The following ASPSCR1 variants were observed in gnomAD, a reference collection of about 807,000 sequenced individuals.
ASPSCR1 encodes the protein ASPSCR1 tether for SLC2A4, UBX domain containing.
In ASPSCR1, 55 loss-of-function variants were observed where a neutral mutation model predicts 68.9. That is an observed-to-expected ratio of 0.80 (90% CI 0.64 to 1.00). The LOEUF is 1.00. Ranked by LOEUF, ASPSCR1 falls within the 50% of genes least tolerant of loss-of-function variation. ASPSCR1 has a pLI of 0.00. For synonymous variants in ASPSCR1, 352 were observed against 332.6 expected (o/e 1.06, Z -0.63); for missense variants, 765 against 762.2 (o/e 1.00, Z -0.04).
chr17:82,011,284 C>T (rs578023225), intron 10 of ASPSCR1, among the ~76,000 whole-genome samples: 36 of 113,908 alleles, frequency 3.2e-4, no homozygotes, highest in African/African-American at 1.1e-3. Flanking sequence ...GAAAGGGAAG[C>T]GCTTAGGCTG....
At chr17:82,008,610 A>G (rs1044027413) in intron 7 of ASPSCR1, 1 of 164,216 alleles carries the variant, frequency 6.1e-6, no homozygotes, top group African/African-American at 2.4e-5. Flanking sequence ...GCGTGCATGG[A>G]TTCAGCCTGG....
intron 4 of ASPSCR1, 53 bp from the exon 5 acceptor site, chr17:81,994,768 G>A (rs1966649526): frequency 1.3e-6 from 2 of 1,571,192 alleles, no homozygotes; most frequent in Non-Finnish European, 8.7e-7. Context: ...GGCCTCCGTG[G>A]CACTGGTTGA....
chr17:81,987,626 A>G lies in ASPSCR1; in HGVS notation c.374+2019A>G, dbSNP rs1175686916. ...GGGTGTCTGGAGAGGTGGGGCCGGC[A>G]TTGTGGTAGCATAAGCCTCTTCAAC... On this transcript the variant is annotated intron_variant, in intron 4 of 15. Coordinates refer to ENST00000306739, the MANE Select transcript of ASPSCR1 (RefSeq NM_024083.4). The surrounding 1 kb of genome is among the most constrained non-coding windows in gnomAD (Gnocchi z 5.6). 1.3e-5 allele frequency among the ~76,000 whole-genome samples: 2 copies of G among 152,112 alleles called. No homozygotes were observed. Among genetic ancestry groups the G allele is most frequent in the Non-Finnish European group, 2.9e-5 (2 of 68,014 alleles).
chr17:81,979,595 T>G (rs2041728389), intron 2 of ASPSCR1, among the ~76,000 whole-genome samples: 1 of 152,228 alleles, frequency 6.6e-6, no homozygotes, highest in Non-Finnish European at 1.5e-5. Flanking sequence ...TCATTACATC[T>G]TCAAAGACCA....
At chr17:82,017,189 T>C (rs2043168753) in intron 15 of ASPSCR1, 76 bp downstream of exon 15, 4 of 1,574,458 alleles carry the variant, frequency 2.5e-6, no homozygotes, top group Non-Finnish European at 3.4e-6. Flanking sequence ...GCAGGGTCAG[T>C]GGGCTGGGGG....
intron 4 of ASPSCR1, among the ~76,000 whole-genome samples, chr17:81,989,591 G>A (rs2042097002): frequency 6.6e-6 from 1 of 152,214 alleles, no homozygotes; most frequent in Admixed American, 6.5e-5. Context: ...GGGGCTGCAG[G>A]CCTGTAGCGT....
At chr17:82,016,440 C>T (rs1019532721) in intron 12 of ASPSCR1, 36 bp from the exon 13 acceptor site, 5 of 1,534,712 alleles carry the variant, frequency 3.3e-6, no homozygotes, top group Admixed American at 3.9e-5. Context: ...GTGCTCTGCC[C>T]ACACCCGGCC....
chr17:81,980,962 C>T (rs1292336338), intron 2 of ASPSCR1, among the ~76,000 whole-genome samples: 1 of 152,062 alleles, frequency 6.6e-6, no homozygotes, highest in Admixed American at 6.6e-5. Flanking sequence ...CCCAGGAATT[C>T]GAGATCAGCC....
intron 9 of ASPSCR1, among the ~76,000 whole-genome samples, chr17:82,010,383 G>A (rs1014466900): frequency 3.3e-5 from 5 of 151,692 alleles, no homozygotes; most frequent in African/African-American, 7.3e-5. Context: ...CAAAAAATTA[G>A]TCAGGAGAGG....
At chr17:82,009,980 G>T (rs1327995681) in intron 9 of ASPSCR1, 3 of 276,752 alleles carry the variant, frequency 1.1e-5, no homozygotes, top group African/African-American at 4.7e-5. Context: ...TGCCATCTCA[G>T]CTCACTGCAA....
At chr17:81,982,917 G>A (rs1034660873) in intron 2 of ASPSCR1, among the ~76,000 whole-genome samples, 1 of 152,008 alleles carries the variant, frequency 6.6e-6, no homozygotes, top group Non-Finnish European at 1.5e-5. Context: ...GGGTTCAAGC[G>A]ATTCTCCTGC....
chr17:81,979,521 C>T (rs1432961424), intron 2 of ASPSCR1, among the ~76,000 whole-genome samples: 1 of 152,220 alleles, frequency 6.6e-6, no homozygotes, highest in Non-Finnish European at 1.5e-5. Context: ...CCTGTTTTCT[C>T]TGTGTCTCAG....
rs951557846 is a variant in ASPSCR1, at chr17:81,983,316, C to T, written c.159-238C>T. On this transcript the variant is annotated intron_variant, in intron 2 of 15. Transcript: ENST00000306739. This position sits in a 1 kb window ranked among gnomAD's most constrained non-coding sequence, Gnocchi z 4.4. ...AAGGAGCAGCCCCCTCGGCGTGCAC[C>T]GAGGCCCACATCTCCCTTTTTCCTG... Among the ~76,000 whole-genome samples, 5 of 152,160 alleles carry T rather than the reference C, an allele frequency of 3.3e-5. No homozygotes were observed. Among genetic ancestry groups the T allele is most frequent in the Admixed American group, 2.0e-4 (3 of 15,266 alleles).
rs372283666 is a variant in ASPSCR1 at position 82,009,034 on chromosome 17, CAGCCCGTGGACCGGG to C, written c.951_965del (p.Asp319_Val323del). ...CGCCGTCAGCCGCGCCCTCTGCCTCCAGCCCGTGGACCGGGAGCCCGTGGACCGGGAGCCGGTGGT... is the reference window on the plus strand; with the variant it reads ...CGCCGTCAGCCGCGCCCTCTGCCTCCAGCCCGTGGACCGGGAGCCGGTGGT... On this transcript the variant is annotated splice_acceptor_variant and coding_sequence_variant, in exon 8 of 16. Transcript: ENST00000306739. LOFTEE classifies it high-confidence loss of function. 1.3e-3 allele frequency: 1,960 copies of C among 1,532,308 alleles called. 21 individuals are homozygous for C. The East Asian group carries it at 0.02, about 16-fold the overall frequency. 94.9% of individuals were successfully genotyped at this position (1,532,308 alleles called of 1,614,324 possible).
chr17:82,016,333 C>G (rs1485768831), intron 12 of ASPSCR1, 143 bp from the exon 13 acceptor site: 1 of 725,362 alleles, frequency 1.4e-6, no homozygotes, highest in African/African-American at 1.8e-5. Flanking sequence ...AGACAGGAAG[C>G]TGGGCGATGG....
chr17:81,982,945 C>G (rs960411630), intron 2 of ASPSCR1, among the ~76,000 whole-genome samples: 2 of 152,192 alleles, frequency 1.3e-5, no homozygotes, highest in East Asian at 1.9e-4. Context: ...TCCCGAGTAG[C>G]TGGGACTACA....
At chr17:81,985,128 GCA>G (rs962946054) in intron 3 of ASPSCR1, among the ~76,000 whole-genome samples, 109 of 135,532 alleles carry the variant, frequency 8.0e-4, no homozygotes, top group Middle Eastern at 4.8e-3. Flanking sequence ...ATGTAAACAT[GCA>G]CACACACGCA....
chr17:82,003,905 T>C (rs1301249564), intron 7 of ASPSCR1, among the ~76,000 whole-genome samples: 1 of 152,162 alleles, frequency 6.6e-6, no homozygotes, highest in African/African-American at 2.4e-5. Context: ...TAGTGATTCA[T>C]TGAAGCTCAG....
rs1039843943 is a variant in ASPSCR1, at chr17:81,983,096, C to T, written c.159-458C>T. Among the ~76,000 whole-genome samples, 14 of 152,348 alleles carry T rather than the reference C, an allele frequency of 9.2e-5. No homozygotes were observed. Among genetic ancestry groups the T allele is most frequent in the Non-Finnish European group, 1.0e-4 (7 of 68,034 alleles). On this transcript the variant is annotated intron_variant, in intron 2 of 15. Coordinates refer to ENST00000306739, the MANE Select transcript of ASPSCR1 (RefSeq NM_024083.4). The surrounding 1 kb of genome is among the most constrained non-coding windows in gnomAD (Gnocchi z 4.4). ...TGAACCTCAGGTGATCCGCCTGCCT[C>T]GGCCTCCGAAAGTGCTGGGATTACA...
Sources: allele counts gnomAD v4.1 joint callset (sites outside exome capture counted in the v4.1 genomes callset), GRCh38; gene constraint gnomAD v4.1.1; non-coding constraint Gnocchi (gnomAD v3.1); transcripts MANE v1.5; gene names NCBI Gene and HGNC (gene_info 2026-07-23, HGNC 2026-07-21).